PPP1R13L: variants seen among roughly 807,000 people sequenced by gnomAD.
PPP1R13L encodes relA-associated inhibitor.
PPP1R13L carries 50 observed loss-of-function variants against 80.9 expected under a neutral mutation model. That is an observed-to-expected ratio of 0.62 (90% CI 0.49 to 0.78). The LOEUF (loss-of-function observed/expected upper bound fraction) is 0.78, where lower values mean the gene tolerates loss of function less well. PPP1R13L is among the 30% of genes least tolerant of loss of function. The probability of loss-of-function intolerance (pLI) is 0.00; values close to 1 mark genes in which losing one functional copy is unlikely to be tolerated. For synonymous variants in PPP1R13L, 602 were observed against 534.3 expected (o/e 1.13, Z -1.75); for missense variants, 1,200 against 1,205.9 (o/e 1.00, Z 0.07).
rs199735668 is a variant in PPP1R13L, at chr19:45,397,974, C to T, written c.198+31G>A. Reference sequence around the variant, plus strand: ...GGTCTGGACTGTGGCGAGAGGCTGGCTTTGGAGATCAAGGTGGGAACCAGG... The same window carrying T: ...GGTCTGGACTGTGGCGAGAGGCTGGTTTTGGAGATCAAGGTGGGAACCAGG... On this transcript the variant is annotated intron_variant, in intron 3 of 12. Transcript: ENST00000360957. The T allele has an allele frequency of 1.1e-3, 1,710 of 1,590,878 alleles. 15 individuals carry two copies. In the African/African-American group the frequency reaches 0.017, roughly 16 times the overall value.
At chr19:45,391,763 T>C in intron 8 of PPP1R13L, 117 bp downstream of exon 8, 1 of 759,032 alleles carries the variant, frequency 1.3e-6, no homozygotes. Context: ...CTTGGACTTC[T>C]ACTCAAAAGA....
chr19:45,387,704 G>A (rs536111273), intron 8 of PPP1R13L, among the ~76,000 whole-genome samples: 21 of 152,168 alleles, frequency 1.4e-4, no homozygotes, highest in African/African-American at 3.6e-4. Context: ...ACGGGCGCCC[G>A]CCACCACGCC....
chr19:45,390,691 GT>G (rs1177446372), intron 8 of PPP1R13L, among the ~76,000 whole-genome samples: 1 of 152,110 alleles, frequency 6.6e-6, no homozygotes, highest in Non-Finnish European at 1.5e-5. Context: ...TGTCTGAGGA[GT>G]TTTGTCTGTG....
In PPP1R13L at chr19:45,396,196, C is replaced by A; in HGVS notation, c.875G>T (p.Ser292Ile). Reference sequence around the variant, plus strand: ...GCCGGTGCCCCCCAGTCCATCCAGGCTGCTCTCCCTCCAAGGCAACAGCTG... The same window carrying A: ...GCCGGTGCCCCCCAGTCCATCCAGGATGCTCTCCCTCCAAGGCAACAGCTG... ...SLQLLPWRES[S>I]LDGLGGTGKD... Residue 292 changes from serine to isoleucine, a missense_variant, in exon 6 of 13, where the codon AGC (serine) becomes ATC (isoleucine). Transcript: ENST00000360957. This position sits in a 1 kb window ranked among gnomAD's most constrained non-coding sequence, Gnocchi z 5.3. The A allele has an allele frequency of 1.9e-6, 3 of 1,611,226 alleles. No individual in the cohort carries two copies. The highest frequency in any genetic ancestry group is 2.5e-6 in the Non-Finnish European group (3 of 1,179,480).
In PPP1R13L at chr19:45,379,644, T is replaced by C. The variant is rs1379029040; in HGVS notation, c.*546A>G. ...CAAAAGAGAAGAAAGTCAATTTCTG[T>C]GCAAACTACTTTTATTTATAAGGAA... On this transcript the variant is annotated 3_prime_UTR_variant, in exon 13 of 13. Transcript: ENST00000360957. The C allele has an allele frequency of 6.6e-6, 1 of 152,482 alleles. No individual in the cohort carries two copies. The highest frequency in any genetic ancestry group is 2.4e-5 in the African/African-American group (1 of 41,458). 9.4% of individuals were successfully genotyped at this position (152,482 alleles called of 1,614,324 possible). A position where few individuals can be genotyped will look rare whatever the true frequency, so the allele number is the denominator to read the frequency against.
At chr19:45,398,523 C>G (rs1206763725) in intron 1 of PPP1R13L, among the ~76,000 whole-genome samples, 184 bp from the exon 2 acceptor site, 1 of 152,076 alleles carries the variant, frequency 6.6e-6, no homozygotes, top group Non-Finnish European at 1.5e-5. Context: ...CCATGCGCCA[C>G]GGAGAAGTCC....
At chr19:45,398,229 C>G (rs768515871) in intron 2 of PPP1R13L, 35 bp downstream of exon 2, 1 of 1,613,482 alleles carries the variant, frequency 6.2e-7, no homozygotes, top group Non-Finnish European at 8.5e-7. Flanking sequence ...GCCGAGGTCC[C>G]CGCCTCGCCA....
At chr19:45,390,042 C>T (rs955772153) in intron 8 of PPP1R13L, among the ~76,000 whole-genome samples, 10 of 151,934 alleles carry the variant, frequency 6.6e-5, no homozygotes, top group Admixed American at 6.6e-4. Flanking sequence ...CCGCCCGCCT[C>T]GGCCTCCCAA....
intron 1 of PPP1R13L, among the ~76,000 whole-genome samples, chr19:45,399,124 T>C (rs1973177128): frequency 1.3e-5 from 2 of 151,546 alleles, no homozygotes; most frequent in Middle Eastern, 3.2e-3. Flanking sequence ...TTTGTATTTT[T>C]AGTAGAGACG....
intron 8 of PPP1R13L, among the ~76,000 whole-genome samples, chr19:45,390,255 T>C (rs891400104): frequency 5.3e-5 from 8 of 152,154 alleles, no homozygotes; most frequent in African/African-American, 1.9e-4. Flanking sequence ...CTTCTCCTGT[T>C]GTCCTTCCCA....
chr19:45,406,240 C>T, upstream of PPP1R13L: 1 of 970,632 alleles, frequency 1.0e-6, no homozygotes, highest in Non-Finnish European at 1.2e-6. The surrounding 1 kb of genome is among the most constrained non-coding windows in gnomAD (Gnocchi z 4.2). Context: ...TCTGGGCCTC[C>T]CCAGAAGACA....
At chr19:45,400,760 ATTT>A (rs887299061) in intron 1 of PPP1R13L, among the ~76,000 whole-genome samples, 6 of 25,966 alleles carry the variant, frequency 2.3e-4, no homozygotes, top group Non-Finnish European at 3.5e-4. Flanking sequence ...CACCCAGCTA[ATTT>A]TTTTTTTTTT....
Position 45,395,719 on chromosome 19 carries a change from G to C in PPP1R13L, c.1071C>G (p.Ser357=). The C allele has an allele frequency of 6.7e-7, 1 of 1,493,836 alleles. No homozygotes were observed. The highest frequency in any genetic ancestry group is 8.9e-7 in the Non-Finnish European group (1 of 1,127,150). The allele number at this position is 1,493,836 out of a possible 1,614,324, so 92.5% of individuals were successfully genotyped here. A position where few individuals can be genotyped will look rare whatever the true frequency, so the allele number is the denominator to read the frequency against. Residue 357 remains serine, a synonymous_variant, in exon 7 of 13, where the codon TCC becomes TCG. Transcript: ENST00000360957. ...QPVSRIPMPP[S]SPQPRGAPRQ... is the part of the protein sequence containing the mutation. Reference sequence around the variant, plus strand: ...GCGGGGCCCCGCGGGGCTGGGGGCTGGAGGGGGGCATGGGGATGCGGCTGA... The same window carrying C: ...GCGGGGCCCCGCGGGGCTGGGGGCTCGAGGGGGGCATGGGGATGCGGCTGA...
In PPP1R13L at chr19:45,386,114, G is replaced by A. The variant is rs773318343; in HGVS notation, c.1882C>T (p.Leu628=). The A allele has an allele frequency of 3.8e-6, 6 of 1,562,558 alleles. No individual in the cohort carries two copies. Among genetic ancestry groups the A allele is most frequent in the Non-Finnish European group, 5.2e-6 (6 of 1,163,440 alleles). ...RKARRARLNP[L]VLLLDAALTG... ...AGCGCCGCGTCCAGGAGGAGCACCA[G>A]AGGGTTGAGGCGCGCGCGGCGGGCC... The change falls in exon 9 of 13, where the codon CTG becomes TTG. Residue 628 remains leucine (L), a synonymous_variant. Transcript: ENST00000360957.
At position 45,396,408 on chromosome 19, in the gene PPP1R13L, C is replaced by T. The variant is rs372976271; in HGVS notation, c.741G>A (p.Pro247=). Residue 247 remains proline, a synonymous_variant, in exon 5 of 13, where the codon CCG becomes CCA. Transcript: ENST00000360957. This position sits in a 1 kb window ranked among gnomAD's most constrained non-coding sequence, Gnocchi z 5.3. The part of the protein sequence containing the change: ...QDDLTLRRRP[P]KAWNESDLDV... ...CCAGGTCAGACTCGTTCCAGGCTTTCGGAGGCCGCCGGCGCAGCGTCAGGT... is the reference window on the plus strand; with the variant it reads ...CCAGGTCAGACTCGTTCCAGGCTTTTGGAGGCCGCCGGCGCAGCGTCAGGT... 3.1e-6 allele frequency: 5 copies of T among 1,613,928 alleles called. No homozygotes were observed. The highest frequency in any genetic ancestry group is 4.2e-6 in the Non-Finnish European group (5 of 1,179,982).
chr19:45,395,317 G>T, intron 7 of PPP1R13L, 119 bp downstream of exon 7: 1 of 1,351,240 alleles, frequency 7.4e-7, no homozygotes, highest in Non-Finnish European at 1.0e-6. Context: ...CTCTCTGCAG[G>T]GACAGTGCTT....
chr19:45,404,485 G>C (rs1973290582), intron 1 of PPP1R13L, among the ~76,000 whole-genome samples: 1 of 152,146 alleles, frequency 6.6e-6, no homozygotes, highest in African/African-American at 2.4e-5. Context: ...GGGGAGAGCC[G>C]GGACACAGCC....
intron 11 of PPP1R13L, among the ~76,000 whole-genome samples, chr19:45,385,074 C>T (rs1425102935): frequency 4.6e-5 from 7 of 152,020 alleles, no homozygotes; most frequent in Admixed American, 2.0e-4. Context: ...CAGCCTACTT[C>T]GCCCTGCCCG....
rs1182623650 is a variant in PPP1R13L at position 45,395,898 on chromosome 19, G to C, written c.904-12C>G. ...CTAGTGAGGTTGTCCTGGGGAAGAG[G>C]GAAGGGAGAAGGGGATCGGGTGAGA... On this transcript the variant is annotated splice_polypyrimidine_tract_variant and intron_variant, in intron 6 of 12. Transcript: ENST00000360957. 2.8e-5 allele frequency: 44 copies of C among 1,571,078 alleles called. No individual in the cohort carries two copies. The highest frequency in any genetic ancestry group is 3.8e-5 in the Non-Finnish European group (44 of 1,156,834).
Sources: allele counts gnomAD v4.1 joint callset (sites outside exome capture counted in the v4.1 genomes callset), GRCh38; gene constraint gnomAD v4.1.1; non-coding constraint Gnocchi (gnomAD v3.1); transcripts MANE v1.5; gene names NCBI Gene and HGNC (gene_info 2026-07-23, HGNC 2026-07-21).